Variants in SLC2A11 observed in about 807,000 individuals in gnomAD.
SLC2A11 encodes solute carrier family 2, facilitated glucose transporter member 11.
Under a neutral mutation model 52.1 loss-of-function variants are expected in SLC2A11, and 43 were observed. That is an observed-to-expected ratio of 0.82 (90% CI 0.65 to 1.06). The LOEUF (loss-of-function observed/expected upper bound fraction) is 1.06, where lower values mean the gene tolerates loss of function less well. SLC2A11 is among the 50% of genes least tolerant of loss of function. The pLI is 0.00. For synonymous variants in SLC2A11, 261 were observed against 277.6 expected (o/e 0.94, Z 0.59); for missense variants, 582 against 654.2 (o/e 0.89, Z 1.20).
In SLC2A11 at chr22:23,868,587, T is replaced by G; in HGVS notation, c.236T>G (p.Leu79Arg). 1 of 1,614,224 alleles carries G rather than the reference T, an allele frequency of 6.2e-7. No individual in the cohort carries two copies. The highest frequency in any genetic ancestry group is 8.5e-7 in the Non-Finnish European group (1 of 1,180,030). Residue 79 changes from leucine to arginine, a missense_variant, in exon 3 of 12, where the codon CTG (leucine) becomes CGG (arginine). Leu to Arg is a moderately radical substitution (Grantham distance 102). Transcript: ENST00000316185. Reference sequence around the variant, plus strand: ...TCCCTCATCGTGTCTCTGTATCCCCTGGGAGGCCTCTTTGGAGCACTGCTT... The same window carrying G: ...TCCCTCATCGTGTCTCTGTATCCCCGGGGAGGCCTCTTTGGAGCACTGCTT... ...MWSLIVSLYP[L>R]GGLFGALLAG...
upstream of SLC2A11, chr22:23,857,433 G>C: frequency 6.2e-7 from 1 of 1,610,862 alleles, no homozygotes; most frequent in Non-Finnish European, 8.5e-7. Flanking sequence ...ATGAGCTTGG[G>C]GCTTAGCCGA....
intron 3 of SLC2A11, among the ~76,000 whole-genome samples, chr22:23,874,094 G>T (rs2032540846): frequency 6.6e-6 from 1 of 152,166 alleles, no homozygotes; most frequent in African/African-American, 2.4e-5. Flanking sequence ...TCCCCTCCTT[G>T]GGTTGGTGTC....
Position 23,877,745 on chromosome 22 carries a change from C to T in SLC2A11, c.570C>T (p.Ala190=), listed in dbSNP as rs760452961. 6.2e-7 allele frequency: 1 copy of T among 1,601,944 alleles called. No individual in the cohort carries two copies. The highest frequency in any genetic ancestry group is 1.7e-5 in the Admixed American group (1 of 58,542). The part of the protein sequence containing the change: ...GLRELLGGPQ[A]WPLLLASCLV... ...GGGAGCTCCTAGGTGGCCCTCAGGC[C>T]TGGCCCCTGCTGCTGGCCAGCTGCC... Residue 190 remains alanine, a synonymous_variant, in exon 6 of 12, where the codon GCC becomes GCT. Transcript: ENST00000316185.
chr22:23,857,077 G>A (rs367780214), upstream of SLC2A11: 4 of 1,156,384 alleles, frequency 3.5e-6, 1 homozygote, highest in Non-Finnish European at 4.9e-6. Context: ...TGTGTGTGGG[G>A]GGGGGGGGGT....
intron 2 of SLC2A11, 65 bp downstream of exon 2, chr22:23,862,267 T>C: frequency 6.1e-6 from 9 of 1,480,590 alleles, no homozygotes; most frequent in Non-Finnish European, 8.5e-6. Flanking sequence ...AGCTGCCCAC[T>C]GAGGGGCTTC....
chr22:23,884,916 G>A lies in SLC2A11; in HGVS notation c.*67G>A, dbSNP rs1468855890. Reference sequence around the variant, plus strand: ...TCCTCTGCTTCCTGCCAGGGCCCTGGTCCTCACTCCCTCCTGCATTCCTCA... The same window carrying A: ...TCCTCTGCTTCCTGCCAGGGCCCTGATCCTCACTCCCTCCTGCATTCCTCA... On this transcript the variant is annotated 3_prime_UTR_variant, in exon 12 of 12. Transcript: ENST00000316185. This position sits in a 1 kb window ranked among gnomAD's most constrained non-coding sequence, Gnocchi z 4.3. The A allele has an allele frequency of 1.5e-6, 2 of 1,357,880 alleles. No homozygotes were observed. The highest frequency in any genetic ancestry group is 2.1e-6 in the Non-Finnish European group (2 of 966,242). The allele number at this position is 1,357,880 out of a possible 1,614,324, so 84.1% of individuals were successfully genotyped here. A position where few individuals can be genotyped will look rare whatever the true frequency, so the allele number is the denominator to read the frequency against.
Position 23,884,572 on chromosome 22 carries a change from C to T in SLC2A11, c.1300-77C>T. The T allele has an allele frequency of 6.5e-7, 1 of 1,548,374 alleles. No individual in the cohort carries two copies. On this transcript the variant is annotated intron_variant, in intron 11 of 11. Coordinates refer to ENST00000316185, the MANE Select transcript of SLC2A11 (RefSeq NM_001024939.4). This position sits in a 1 kb window ranked among gnomAD's most constrained non-coding sequence, Gnocchi z 4.3. Reference sequence around the variant, plus strand: ...GAGCAAAGAGGGGGGCAAATGCCTCCTCACGACCTGTCATGGGCCTTCTGT... The same window carrying T: ...GAGCAAAGAGGGGGGCAAATGCCTCTTCACGACCTGTCATGGGCCTTCTGT...
chr22:23,857,904 C>T lies in SLC2A11; in HGVS notation c.-96C>T, dbSNP rs941684301. ...TTCACCACTGGGCGCTGCGCGCTGC[C>T]CTTCCCTCCGCGCACAGGCTGCCGG... On this transcript the variant is annotated 5_prime_UTR_variant, in exon 1 of 12. Transcript: ENST00000316185. 40 of 1,575,146 alleles carry T rather than the reference C, an allele frequency of 2.5e-5. No homozygotes were observed. In the East Asian group the frequency reaches 6.8e-4, roughly 27 times the overall value.
At chr22:23,858,529 G>A (rs1163837898) in intron 1 of SLC2A11, among the ~76,000 whole-genome samples, 1 of 152,134 alleles carries the variant, frequency 6.6e-6, no homozygotes, top group Non-Finnish European at 1.5e-5. Flanking sequence ...TATTTGCATG[G>A]CACATTCCCT....
intron 6 of SLC2A11, among the ~76,000 whole-genome samples, chr22:23,878,276 GCTT>G (rs1042527317): frequency 5.5e-5 from 8 of 144,728 alleles, no homozygotes; most frequent in Non-Finnish European, 1.0e-4. Context: ...ATTATTTACT[GCTT>G]CTTTTATTCA....
chr22:23,875,954 G>T (rs572720848), intron 4 of SLC2A11, among the ~76,000 whole-genome samples: 1 of 152,246 alleles, frequency 6.6e-6, no homozygotes, highest in East Asian at 1.9e-4. Context: ...GGGTTGGCTG[G>T]GGCTGGAGGA....
chr22:23,857,430 T>G, upstream of SLC2A11: 1 of 1,610,190 alleles, frequency 6.2e-7, no homozygotes, highest in Non-Finnish European at 8.5e-7. Context: ...GAGATGAGCT[T>G]GGGGCTTAGC....
chr22:23,857,207 A>G (rs2031865244), upstream of SLC2A11: 17 of 766,488 alleles, frequency 2.2e-5, no homozygotes, highest in South Asian at 2.9e-4. Context: ...GGAATCGCGC[A>G]GGGTTGCGGC....
chr22:23,862,440 G>A (rs1159644484), intron 2 of SLC2A11: 5 of 504,920 alleles, frequency 9.9e-6, no homozygotes, highest in African/African-American at 1.9e-5. Flanking sequence ...CCTAGTGATG[G>A]GGGGTCAGCC....
Position 23,877,707 on chromosome 22 carries a change from C to T in SLC2A11, c.546-14C>T. On this transcript the variant is annotated splice_polypyrimidine_tract_variant and intron_variant, in intron 5 of 11. Transcript: ENST00000316185. ...AAAGAGGCATCTGGCCTGGCCTCTC[C>T]TCTGCCTCCTTAGGGAGCTCCTAGG... 1 of 1,568,402 alleles carries T rather than the reference C, an allele frequency of 6.4e-7. No homozygotes were observed. Among genetic ancestry groups the T allele is most frequent in the Non-Finnish European group, 8.6e-7 (1 of 1,159,950 alleles).
At chr22:23,881,001 G>A (rs188027919) in intron 6 of SLC2A11, 17 of 151,806 alleles carry the variant, frequency 1.1e-4, no homozygotes, top group African/African-American at 2.7e-4. Context: ...CCTCATCGCC[G>A]TCCTCTGCCT....
intron 3 of SLC2A11, chr22:23,869,918 A>T (rs1234475084): frequency 1.4e-6 from 1 of 691,068 alleles, no homozygotes; most frequent in Non-Finnish European, 2.7e-6. Context: ...AAAGGCAAAA[A>T]GAGCCTGCCT....
intron 5 of SLC2A11, 120 bp downstream of exon 5, chr22:23,877,291 A>T: frequency 6.6e-7 from 1 of 1,519,126 alleles, no homozygotes; most frequent in East Asian, 2.3e-5. Flanking sequence ...GCATGAAGGC[A>T]TCGAATCCTC....
intron 2 of SLC2A11, chr22:23,867,604 GC>G (rs1385898775): frequency 2.2e-6 from 1 of 453,904 alleles, no homozygotes; most frequent in Non-Finnish European, 4.6e-6. Flanking sequence ...CCACTAGATT[GC>G]CTCAGGATGG....
Sources: gnomAD v4.1 joint callset for allele counts (sites outside exome capture counted in the v4.1 genomes callset) on GRCh38, gnomAD v4.1.1 for gene constraint, Gnocchi (gnomAD v3.1) non-coding constraint, MANE v1.5 for transcripts, NCBI Gene and HGNC (gene_info 2026-07-23, HGNC 2026-07-21) for gene names.